CCDC181: variants seen among roughly 807,000 people sequenced by gnomAD.
The protein encoded by CCDC181 is coiled-coil domain containing 181.
Under a neutral mutation model 58.7 loss-of-function variants are expected in CCDC181, and 35 were observed. The ratio of observed to expected loss-of-function variants is 0.60; its 90% CI spans 0.46 to 0.79. The LOEUF (loss-of-function observed/expected upper bound fraction) is 0.79, where lower values mean the gene tolerates loss of function less well. Ranked by LOEUF, CCDC181 falls within the 30% of genes least tolerant of loss-of-function variation. The probability of loss-of-function intolerance (pLI) is 0.00; values close to 1 mark genes in which losing one functional copy is unlikely to be tolerated. For missense variants in CCDC181, 517 were observed against 583.9 expected (o/e 0.89, Z 1.18); for synonymous variants, 183 against 197.5 (o/e 0.93, Z 0.62).
chr1:169,457,235 GC>G (rs1451414987), intron 2 of CCDC181, among the ~76,000 whole-genome samples: 1 of 151,968 alleles, frequency 6.6e-6, no homozygotes, highest in East Asian at 1.9e-4. Flanking sequence ...TAGATATCTG[GC>G]TTGGGATACA....
intron 3 of CCDC181, among the ~76,000 whole-genome samples, chr1:169,420,913 G>T (rs1299265764): frequency 6.6e-6 from 1 of 152,158 alleles, no homozygotes; most frequent in Non-Finnish European, 1.5e-5. Context: ...GGAAATAAAA[G>T]AATTGTAAGC....
At position 169,421,399 on chromosome 1, in the gene CCDC181, T is replaced by G. The variant is rs753340704; in HGVS notation, c.1032A>C (p.Lys344Asn). ...CLSPRQKELQ[K>N]QLEEKREKLK... Reference sequence around the variant, plus strand: ...GTTTTTCTCTCTTTTCTTCTAGTTGTTTTTGTAGTTCTTTCTGTCGAGGGG... The same window carrying G: ...GTTTTTCTCTCTTTTCTTCTAGTTGGTTTTGTAGTTCTTTCTGTCGAGGGG... Residue 344 changes from lysine to asparagine, a missense_variant, in exon 3 of 6, where the codon AAA becomes AAC. Coordinates refer to ENST00000367806, the MANE Select transcript of CCDC181 (RefSeq NM_001300969.2). 1.9e-6 allele frequency: 3 copies of G among 1,612,106 alleles called. No individual in the cohort carries two copies. The highest frequency in any genetic ancestry group is 2.5e-6 in the Non-Finnish European group (3 of 1,179,566).
upstream of CCDC181, among the ~76,000 whole-genome samples, chr1:169,429,360 T>C (rs1656841753): frequency 6.6e-6 from 1 of 152,188 alleles, no homozygotes; most frequent in Non-Finnish European, 1.5e-5. Flanking sequence ...TACTTTTAGT[T>C]CTTTAAAGAA....
intron 2 of CCDC181, among the ~76,000 whole-genome samples, chr1:169,439,340 GACACCCTGTGATAGGGCT>G (rs1325185662): frequency 6.6e-6 from 1 of 152,210 alleles, no homozygotes; most frequent in Non-Finnish European, 1.5e-5. Context: ...GCTACAGAGA[GACACCCTGTGATAGGGCT>G]ACTGTTATGA....
In CCDC181 at chr1:169,433,342, G is replaced by C. The variant is rs759592802; in HGVS notation, c.-23-8392C>G. Among the ~76,000 whole-genome samples the C allele has an allele frequency of 6.6e-5, 10 of 151,884 alleles. No individual in the cohort carries two copies. The South Asian group carries it at 8.3e-4, about 13-fold the overall frequency. ...AGCTATCCCTTGTTAATGGATTGGA[G>C]GACAATATTATTAAGATGTCAGTAT... On this transcript the variant is annotated intron_variant, in intron 2 of 6. Transcript: ENST00000545005.
At chr1:169,423,128 C>T (rs906961813) in intron 2 of CCDC181, among the ~76,000 whole-genome samples, 2 of 150,388 alleles carry the variant, frequency 1.3e-5, no homozygotes, top group African/African-American at 4.9e-5. Flanking sequence ...TCTATGGGAG[C>T]TACTACATGC....
rs1360495818 is a variant in CCDC181 at position 169,458,444 on chromosome 1, TA to T, written c.-24+1352del. Among the ~76,000 whole-genome samples the T allele has an allele frequency of 5.3e-5, 8 of 152,278 alleles. No homozygotes were observed. In the East Asian group the frequency reaches 1.2e-3, roughly 22 times the overall value. On this transcript the variant is annotated intron_variant, in intron 2 of 6. Transcript: ENST00000545005. ...ATGTTTACCAGTTTCTTATAAATGA[TA>T]TAAATGAACAATTTGATAAAAAGGC...
intron 1 of CCDC181, among the ~76,000 whole-genome samples, chr1:169,425,472 T>C (rs184341899): frequency 3.1e-4 from 47 of 152,252 alleles, no homozygotes; most frequent in Non-Finnish European, 5.0e-4. Context: ...AAACACAAAA[T>C]AGATTTGCTA....
intron 4 of CCDC181, among the ~76,000 whole-genome samples, chr1:169,401,345 G>C (rs1031729515): frequency 6.6e-6 from 1 of 152,234 alleles, no homozygotes; most frequent in Non-Finnish European, 1.5e-5. Context: ...AGGACAGACT[G>C]CCTCCTCAAG....
At chr1:169,405,426 C>A (rs1655593735) in intron 4 of CCDC181, among the ~76,000 whole-genome samples, 1 of 152,168 alleles carries the variant, frequency 6.6e-6, no homozygotes. Flanking sequence ...GATACAGTAA[C>A]CAAAACAGCA....
chr1:169,400,363 C>A (rs1359876316), intron 4 of CCDC181, among the ~76,000 whole-genome samples: 4 of 152,084 alleles, frequency 2.6e-5, no homozygotes, highest in Non-Finnish European at 5.9e-5. Flanking sequence ...GAAAAAAATT[C>A]AATACCCTTT....
upstream of CCDC181, among the ~76,000 whole-genome samples, chr1:169,431,785 A>T (rs760470058): frequency 3.3e-5 from 5 of 152,172 alleles, no homozygotes; most frequent in Non-Finnish European, 5.9e-5. Flanking sequence ...CCTATTGATG[A>T]GGGTCTATGT....
At chr1:169,443,103 AT>A (rs1366445893) in intron 2 of CCDC181, 2 of 151,534 alleles carry the variant, frequency 1.3e-5, no homozygotes, top group Non-Finnish European at 2.9e-5. Context: ...TCTTTTTGTT[AT>A]TCGCTCTCAT....
chr1:169,437,825 A>G (rs939449968), intron 2 of CCDC181, among the ~76,000 whole-genome samples: 5 of 152,200 alleles, frequency 3.3e-5, no homozygotes, highest in Non-Finnish European at 7.3e-5. Context: ...TAAAGTAAAT[A>G]CTGAGTACTA....
intron 4 of CCDC181, among the ~76,000 whole-genome samples, chr1:169,409,630 C>A (rs1268082190): frequency 6.6e-6 from 1 of 152,100 alleles, no homozygotes; most frequent in African/African-American, 2.4e-5. Flanking sequence ...ATGTTAAGGG[C>A]AGCCAGAGAG....
intron 2 of CCDC181, among the ~76,000 whole-genome samples, chr1:169,458,658 G>T (rs1184987907): frequency 6.6e-6 from 1 of 151,674 alleles, no homozygotes; most frequent in Non-Finnish European, 1.5e-5. Context: ...TACTTTCTTG[G>T]TACTTGCTCA....
intron 2 of CCDC181, among the ~76,000 whole-genome samples, chr1:169,456,353 C>G (rs970947081): frequency 6.6e-6 from 1 of 152,110 alleles, no homozygotes; most frequent in African/African-American, 2.4e-5. Context: ...TATCTAAGTA[C>G]CTCGCATAAG....
intron 3 of CCDC181, 84 bp from the exon 4 acceptor site, chr1:169,419,243 C>A: frequency 7.2e-7 from 1 of 1,397,348 alleles, no homozygotes. Flanking sequence ...ATTTTGAGAT[C>A]TGAAATTAGG....
intron 4 of CCDC181, among the ~76,000 whole-genome samples, chr1:169,415,383 A>G (rs564006708): frequency 1.3e-5 from 2 of 152,216 alleles, no homozygotes; most frequent in South Asian, 4.1e-4. Flanking sequence ...GTCCTTCATA[A>G]CCCTTGTTAG....
Sources: allele counts gnomAD v4.1 joint callset (sites outside exome capture counted in the v4.1 genomes callset), GRCh38; gene constraint gnomAD v4.1.1; transcripts MANE v1.5; gene names NCBI Gene and HGNC (gene_info 2026-07-23, HGNC 2026-07-21).